HHIPL2: variants seen among roughly 807,000 people sequenced by gnomAD.
The protein encoded by HHIPL2 is HHIP like 2, also known as HHIP-like protein 2.
HHIPL2 carries 61 observed loss-of-function variants against 61.0 expected under a neutral mutation model. That is an observed-to-expected ratio of 1.00 (90% confidence interval 0.81 to 1.24). The LOEUF is 1.24. Ranked by LOEUF, HHIPL2 falls within the 50% of genes most tolerant of loss-of-function variation. The pLI, the probability that HHIPL2 is intolerant of heterozygous loss-of-function variation, is 0.00. For synonymous variants in HHIPL2, 343 were observed against 357.4 expected (o/e 0.96, Z 0.45); for missense variants, 885 against 910.2 (o/e 0.97, Z 0.36).
rs748701429 is a variant in HHIPL2 at position 222,541,964 on chromosome 1, C to A, written c.1118+48G>T. ...TGCCATCCCTGCAAAAACACCACAC[C>A]AGGGGCTCACTCTGAAGGGACAAGG... On this transcript the variant is annotated intron_variant, in intron 3 of 8. Transcript: ENST00000343410. 26 of 1,549,886 alleles carry A rather than the reference C, an allele frequency of 1.7e-5. 1 individual carries two copies. The South Asian group carries it at 3.1e-4, about 18-fold the overall frequency.
intron 1 of HHIPL2, among the ~76,000 whole-genome samples, chr1:222,547,307 C>T (rs188065920): frequency 4.6e-5 from 7 of 152,288 alleles, no homozygotes; most frequent in African/African-American, 9.6e-5. Flanking sequence ...AGGACTGGAC[C>T]CCAGCAGATG....
At chr1:222,528,998 T>A (rs1659131251) in intron 6 of HHIPL2, among the ~76,000 whole-genome samples, 1 of 151,548 alleles carries the variant, frequency 6.6e-6, no homozygotes, top group African/African-American at 2.4e-5. Flanking sequence ...TTTTTTAAAC[T>A]TTTTGTAGAG....
intron 5 of HHIPL2, among the ~76,000 whole-genome samples, chr1:222,536,660 T>C (rs1391013062): frequency 6.6e-6 from 1 of 152,172 alleles, no homozygotes; most frequent in East Asian, 1.9e-4. Context: ...ATCTGACAAA[T>C]ATATTACAAG....
At chr1:222,533,380 AAAAAG>A (rs1659233477) in intron 5 of HHIPL2, among the ~76,000 whole-genome samples, 1 of 151,966 alleles carries the variant, frequency 6.6e-6, no homozygotes, top group East Asian at 1.9e-4. Context: ...AAAAAAAGAA[AAAAAG>A]AAAAGAAAAG....
At chr1:222,541,587 G>A (rs188407951) in intron 3 of HHIPL2, among the ~76,000 whole-genome samples, 2 of 152,222 alleles carry the variant, frequency 1.3e-5, no homozygotes, top group African/African-American at 2.4e-5. Context: ...CAAATGTAAA[G>A]TACTTAGACC....
intron 6 of HHIPL2, 96 bp from the exon 7 acceptor site, chr1:222,527,146 C>T: frequency 1.1e-6 from 1 of 918,360 alleles, no homozygotes; most frequent in Non-Finnish European, 1.7e-6. Flanking sequence ...GAGGTTATGG[C>T]CCTAAAATGC....
chr1:222,538,734 C>T lies in HHIPL2; in HGVS notation c.1491G>A (p.Gly497=), dbSNP rs1354480778. ...LPIYAYGHAV[G]KSVTGGYVYR... is the part of the protein sequence containing the mutation. The stretch of plus-strand genomic sequence containing the variant: ...AGACATAACCTCCAGTGACTGACTT[C>T]CCCACTGCATGGCCATAAGCATAGA... Residue 497 remains glycine (G), a synonymous_variant, in exon 5 of 9, where the codon GGG becomes GGA. Transcript: ENST00000343410. 3 of 1,613,872 alleles carry T rather than the reference C, an allele frequency of 1.9e-6. No individual in the cohort carries two copies. The African/African-American group carries it at 4.0e-5, about 22-fold the overall frequency.
At chr1:222,527,788 G>A (rs940882645) in intron 6 of HHIPL2, among the ~76,000 whole-genome samples, 4 of 152,110 alleles carry the variant, frequency 2.6e-5, no homozygotes, top group East Asian at 1.9e-4. Context: ...CATGAGCTCC[G>A]ATGGTTTTAT....
In HHIPL2 at chr1:222,542,528, C is replaced by CTTTT. The variant is rs772394115; in HGVS notation, c.975-377_975-374dup. The stretch of plus-strand genomic sequence containing the variant: ...GGGATTACCACCCCACCACATCTGG[C>CTTTT]TTTTTTTTTTTTTTTTTTTTGAGAT... On this transcript the variant is annotated intron_variant, in intron 2 of 8. Transcript: ENST00000343410. 1.1e-3 allele frequency among the ~76,000 whole-genome samples: 106 copies of CTTTT among 97,170 alleles called. 9 individuals carry two copies. Among genetic ancestry groups the CTTTT allele is most frequent in the East Asian group, 8.9e-3 (24 of 2,682 alleles). The allele number at this position is 97,170 out of a possible 152,430, so 63.7% of individuals were successfully genotyped here.
At chr1:222,544,374 G>C (rs1659513481) in intron 1 of HHIPL2, among the ~76,000 whole-genome samples, 185 bp from the exon 2 acceptor site, 1 of 152,072 alleles carries the variant, frequency 6.6e-6, no homozygotes, top group Non-Finnish European at 1.5e-5. Flanking sequence ...GCTCCTAGAA[G>C]GCAGAAAACA....
Position 222,535,483 on chromosome 1 carries a change from T to C in HHIPL2, c.1577+3165A>G, listed in dbSNP as rs534675977. On this transcript the variant is annotated intron_variant, in intron 5 of 8. Transcript: ENST00000343410. ...GCTTAAAACAACATACACTTATTCT[T>C]TTATAGTTTTGGTTGCCAGAACTCT... 4.6e-5 allele frequency among the ~76,000 whole-genome samples: 7 copies of C among 152,312 alleles called. No individual in the cohort carries two copies. In the South Asian group the frequency reaches 1.2e-3, roughly 27 times the overall value.
intron 5 of HHIPL2, among the ~76,000 whole-genome samples, chr1:222,533,226 G>A (rs1050871795): frequency 9.9e-5 from 15 of 152,122 alleles, no homozygotes; most frequent in Admixed American, 2.0e-4. Context: ...TTAGCTGGGC[G>A]TGGTGTTGTG....
chr1:222,540,834 G>A (rs1020630786), intron 3 of HHIPL2, among the ~76,000 whole-genome samples: 2 of 152,232 alleles, frequency 1.3e-5, no homozygotes, highest in Non-Finnish European at 2.9e-5. Flanking sequence ...AGTCAGAGGA[G>A]AGTAACTGAT....
At chr1:222,528,406 A>G (rs992272400) in intron 6 of HHIPL2, among the ~76,000 whole-genome samples, 1 of 152,226 alleles carries the variant, frequency 6.6e-6, no homozygotes, top group Non-Finnish European at 1.5e-5. Context: ...AAGGAGTTCA[A>G]GATGAGCCTG....
rs1659202350 is a variant in HHIPL2 at position 222,532,007 on chromosome 1, G to C, written c.1682C>G (p.Thr561Ser). ...TSCAFPGLISTHSKFIISFAE... is the reference protein window; with the variant it reads ...TSCAFPGLISSHSKFIISFAE... The stretch of plus-strand genomic sequence containing the variant: ...AAAGGAGATGATGAACTTGCTATGG[G>C]TGCTGATCAGCCCTGGGAAGGCACA... The change falls in exon 6 of 9, where the codon ACC (threonine) becomes AGC (serine). Residue 561 changes from threonine (T) to serine (S), a missense_variant. Coordinates refer to ENST00000343410, the MANE Select transcript of HHIPL2 (RefSeq NM_024746.4). 6.2e-7 allele frequency: 1 copy of C among 1,612,136 alleles called. No individual in the cohort carries two copies. Among genetic ancestry groups the C allele is most frequent in the African/African-American group, 1.3e-5 (1 of 74,902 alleles).
Position 222,538,638 on chromosome 1 carries a change from C to G in HHIPL2, c.1577+10G>C. 1 of 1,611,726 alleles carries G rather than the reference C, an allele frequency of 6.2e-7. No individual in the cohort carries two copies. Among genetic ancestry groups the G allele is most frequent in the East Asian group, 2.2e-5 (1 of 44,868 alleles). On this transcript the variant is annotated intron_variant, in intron 5 of 8. Coordinates refer to ENST00000343410, the MANE Select transcript of HHIPL2 (RefSeq NM_024746.4). ...AAAAAGAGGGAGAAGGGACATCAGT[C>G]CTTCCTTACCCACTCATGAAGTCTC...
chr1:222,523,021 T>A, intron 8 of HHIPL2, 134 bp from the exon 9 acceptor site: 1 of 737,336 alleles, frequency 1.4e-6, no homozygotes, highest in Non-Finnish European at 2.1e-6. Context: ...CTGGCCTTGG[T>A]CTAAATATAT....
Position 222,522,528 on chromosome 1 carries a change from TC to T in HHIPL2, c.*72del. ...CTTCCCAGACTTCTAAGGTCTTTAT[TC>T]AGCAGTGACTTTCATTTGATGAGGT... On this transcript the variant is annotated 3_prime_UTR_variant, in exon 9 of 9. Transcript: ENST00000343410. The T allele has an allele frequency of 2.0e-6, 3 of 1,513,110 alleles. No homozygotes were observed. The highest frequency in any genetic ancestry group is 2.7e-6 in the Non-Finnish European group (3 of 1,116,200). The allele number at this position is 1,513,110 out of a possible 1,614,324, so 93.7% of individuals were successfully genotyped here.
intron 4 of HHIPL2, among the ~76,000 whole-genome samples, chr1:222,539,528 A>T (rs1180848257): frequency 5.0e-5 from 2 of 40,252 alleles, no homozygotes; most frequent in Non-Finnish European, 8.6e-5. Flanking sequence ...GACTCTGTCT[A>T]AAAAAAAAAA....
Sources: allele counts gnomAD v4.1 joint callset (sites outside exome capture counted in the v4.1 genomes callset), GRCh38; gene constraint gnomAD v4.1.1; transcripts MANE v1.5; gene names NCBI Gene and HGNC (gene_info 2026-07-23, HGNC 2026-07-21).